Variants in CCDC3 observed in about 807,000 individuals in gnomAD.
The protein encoded by CCDC3 is coiled-coil domain containing 3.
A neutral mutation model predicts 21.4 loss-of-function variants in CCDC3; 24 were observed. The observed-to-expected ratio is 1.12, with a 90% CI of 0.81 to 1.58. The LOEUF (loss-of-function observed/expected upper bound fraction) is 1.58. Ranked by LOEUF, CCDC3 falls within the 40% of genes most tolerant of loss-of-function variation. The pLI is 0.00. For synonymous variants in CCDC3, 186 were observed against 166.0 expected (o/e 1.12, Z -0.93); for missense variants, 425 against 360.9 (o/e 1.18, Z -1.44).
Position 13,016,381 on chromosome 10 carries a change from T to A in CCDC3, c.-1-17869A>T, listed in dbSNP as rs114011528. Among the ~76,000 whole-genome samples, 330 of 150,472 alleles carry A rather than the reference T, an allele frequency of 2.2e-3. 1 individual carries two copies. The highest frequency in any genetic ancestry group is 7.6e-3 in the African/African-American group (311 of 41,118). The stretch of plus-strand genomic sequence containing the variant: ...AACTTTCTTTTACATTTGAATACTG[T>A]ATACAGGGAATGGGCCCAGGAAACC... On this transcript the variant is annotated intron_variant, in intron 5 of 6. Coordinates refer to the CCDC3 transcript ENST00000378839.
At chr10:12,990,356 A>T (rs1423934883) in intron 2 of CCDC3, among the ~76,000 whole-genome samples, 1 of 152,192 alleles carries the variant, frequency 6.6e-6, no homozygotes, top group Non-Finnish European at 1.5e-5. Context: ...TGCAAGTGTG[A>T]AGAAATGAAG....
intron 2 of CCDC3, among the ~76,000 whole-genome samples, chr10:12,979,389 CTCTG>C (rs1457135230): frequency 7.9e-5 from 12 of 151,986 alleles, no homozygotes; most frequent in African/African-American, 2.2e-4. Context: ...TCCCCAAACC[CTCTG>C]TCTTTGTTTT....
At chr10:12,928,282 T>A (rs1162409473) in intron 2 of CCDC3, among the ~76,000 whole-genome samples, 1 of 152,150 alleles carries the variant, frequency 6.6e-6, no homozygotes, top group African/African-American at 2.4e-5. Context: ...AAAGCCAGTA[T>A]CTTGGGAAGA....
chr10:13,062,329 A>G (rs943225244), intron 4 of CCDC3, among the ~76,000 whole-genome samples: 5 of 152,200 alleles, frequency 3.3e-5, no homozygotes, highest in Non-Finnish European at 5.9e-5. Flanking sequence ...GAAAGCTTAG[A>G]GTCAACCATG....
At chr10:12,940,545 C>A (rs953643772) in intron 2 of CCDC3, among the ~76,000 whole-genome samples, 1 of 152,128 alleles carries the variant, frequency 6.6e-6, no homozygotes, top group African/African-American at 2.4e-5. Context: ...GGGTCAGATA[C>A]CCAAGTTTGA....
chr10:13,019,518 G>A (rs555836646), intron 5 of CCDC3, among the ~76,000 whole-genome samples: 6 of 152,252 alleles, frequency 3.9e-5, no homozygotes, highest in African/African-American at 1.2e-4. Flanking sequence ...GAGGTATCAC[G>A]TGATCAGCAT....
At position 12,995,821 on chromosome 10, in the gene CCDC3, C is replaced by T. The variant is rs137933083; in HGVS notation, c.549+2517G>A. On this transcript the variant is annotated intron_variant, in intron 2 of 2. Coordinates refer to ENST00000378825, the MANE Select transcript of CCDC3 (RefSeq NM_031455.4). ...TCCCCCAAGATCAACATCTGATCAA[C>T]AGAAATAGATCTGCCTTCAGGCTGA... is the stretch of plus-strand genomic sequence containing the variant. 1.1e-3 allele frequency among the ~76,000 whole-genome samples: 168 copies of T among 152,314 alleles called. 3 individuals carry two copies. Among genetic ancestry groups the T allele is most frequent in the African/African-American group, 3.8e-3 (158 of 41,590 alleles).
intron 4 of CCDC3, among the ~76,000 whole-genome samples, chr10:13,063,606 G>C (rs1184931024): frequency 1.3e-5 from 2 of 152,172 alleles, no homozygotes; most frequent in Non-Finnish European, 2.9e-5. Context: ...CACGTAAATA[G>C]TAAGGAATGG....
chr10:12,986,280 T>C (rs1835589108), intron 2 of CCDC3, among the ~76,000 whole-genome samples: 1 of 152,206 alleles, frequency 6.6e-6, no homozygotes. Flanking sequence ...AGTGCCTGTG[T>C]AATGACTGAA....
intron 2 of CCDC3, among the ~76,000 whole-genome samples, chr10:12,986,052 T>C (rs981838702): frequency 1.3e-5 from 2 of 152,218 alleles, no homozygotes; most frequent in Admixed American, 1.3e-4. Flanking sequence ...ACTTTTTTTG[T>C]ATTTTTTAGT....
At chr10:12,948,523 C>G (rs1834956827) in intron 2 of CCDC3, among the ~76,000 whole-genome samples, 1 of 151,780 alleles carries the variant, frequency 6.6e-6, no homozygotes, top group African/African-American at 2.4e-5. Context: ...CTCCAGAACC[C>G]CGTGTGTTTT....
intron 5 of CCDC3, among the ~76,000 whole-genome samples, chr10:13,027,059 T>C (rs1421283406): frequency 1.3e-5 from 2 of 152,226 alleles, no homozygotes; most frequent in African/African-American, 4.8e-5. Context: ...GCAATCTTGG[T>C]ACTTTGTAAA....
intron 2 of CCDC3, among the ~76,000 whole-genome samples, chr10:12,948,889 G>A (rs1461096501): frequency 3.1e-5 from 3 of 95,954 alleles, no homozygotes; most frequent in Non-Finnish European, 5.5e-5. Flanking sequence ...CCACCACCAT[G>A]CCCGGCTAAT....
At chr10:13,065,919 A>G (rs1836815873) in intron 4 of CCDC3, among the ~76,000 whole-genome samples, 1 of 152,208 alleles carries the variant, frequency 6.6e-6, no homozygotes, top group South Asian at 2.1e-4. Context: ...ATGTTTGTTG[A>G]ATTAATAAGT....
At chr10:13,096,639 T>C (rs1220377641) in intron 3 of CCDC3, among the ~76,000 whole-genome samples, 2 of 152,276 alleles carry the variant, frequency 1.3e-5, no homozygotes, top group African/African-American at 4.8e-5. Flanking sequence ...CCCAGCAACA[T>C]TGCCACTGAT....
At chr10:13,085,189 A>G (rs1456421413) in intron 3 of CCDC3, among the ~76,000 whole-genome samples, 1 of 152,184 alleles carries the variant, frequency 6.6e-6, no homozygotes, top group Non-Finnish European at 1.5e-5. Context: ...TCTGCCTAGC[A>G]AGCCTGGGTC....
At chr10:13,011,228 G>A (rs188752464) in intron 5 of CCDC3, among the ~76,000 whole-genome samples, 2 of 151,174 alleles carry the variant, frequency 1.3e-5, no homozygotes, top group African/African-American at 4.8e-5. Context: ...ATCGAAATAG[G>A]AAGAGAAGAA....
chr10:12,991,429 T>C (rs1286832447), intron 2 of CCDC3, among the ~76,000 whole-genome samples: 1 of 152,092 alleles, frequency 6.6e-6, no homozygotes, highest in East Asian at 1.9e-4. Context: ...CAAGCGATCC[T>C]CCTGCCTCAG....
At chr10:12,982,541 C>G (rs918751257) in intron 2 of CCDC3, among the ~76,000 whole-genome samples, 5 of 151,784 alleles carry the variant, frequency 3.3e-5, no homozygotes, top group African/African-American at 1.2e-4. Flanking sequence ...CACCAGTAAT[C>G]CCAACACTTT....
Sources: allele counts gnomAD v4.1 joint callset (sites outside exome capture counted in the v4.1 genomes callset), GRCh38; gene constraint gnomAD v4.1.1; transcripts MANE v1.5; gene names NCBI Gene and HGNC (gene_info 2026-07-23, HGNC 2026-07-21).